Variants in SPMIP2 observed in about 807,000 individuals in gnomAD.
The protein encoded by SPMIP2 is protein SPMIP2.
the SPMIP2 span, among the ~76,000 whole-genome samples, chr4:158,990,385 C>T: frequency 1.4e-4 from 22 of 152,220 alleles, no homozygotes; most frequent in South Asian, 4.6e-3. Context: ...GGGTATATCC[C>T]CAAAGGATTA....
chr4:159,019,689 T>C, the SPMIP2 span, among the ~76,000 whole-genome samples: 1 of 152,258 alleles, frequency 6.6e-6, no homozygotes, highest in African/African-American at 2.4e-5. Flanking sequence ...TCATCGTGAA[T>C]ACACTGGGAC....
chr4:158,956,771 A>T, the SPMIP2 span, among the ~76,000 whole-genome samples: 1 of 152,094 alleles, frequency 6.6e-6, no homozygotes, highest in Admixed American at 6.5e-5. Context: ...TCTTTTCTCC[A>T]TTTACTTAAA....
the SPMIP2 span, among the ~76,000 whole-genome samples, chr4:158,973,588 G>A: frequency 1.3e-3 from 201 of 152,170 alleles, no homozygotes; most frequent in Middle Eastern, 3.4e-3. Flanking sequence ...TGAAAGATTG[G>A]TTACTTGTCC....
the SPMIP2 span, among the ~76,000 whole-genome samples, chr4:159,050,386 T>C: frequency 5.4e-5 from 7 of 130,614 alleles, no homozygotes; most frequent in Non-Finnish European, 1.1e-4. Context: ...GTGAGTATAA[T>C]ATAAAAAGAA....
the SPMIP2 span, among the ~76,000 whole-genome samples, chr4:158,927,833 G>A: frequency 6.7e-6 from 1 of 150,260 alleles, no homozygotes; most frequent in Admixed American, 6.6e-5. Context: ...GCAATGAGGG[G>A]CTTAGCACCC....
the SPMIP2 span, among the ~76,000 whole-genome samples, chr4:158,972,899 T>G: frequency 6.6e-6 from 1 of 152,242 alleles, no homozygotes; most frequent in Non-Finnish European, 1.5e-5. Context: ...CTTGATGTAT[T>G]AAAGGGCTCC....
chr4:159,074,608 T>C, the SPMIP2 span, among the ~76,000 whole-genome samples: 6 of 152,142 alleles, frequency 3.9e-5, no homozygotes, highest in Non-Finnish European at 7.4e-5. Flanking sequence ...TTCTAAGGGA[T>C]AGTAGGAATA....
At chr4:158,953,185 T>TC in the SPMIP2 span, among the ~76,000 whole-genome samples, 1 of 152,148 alleles carries the variant, frequency 6.6e-6, no homozygotes, top group Non-Finnish European at 1.5e-5. Context: ...GCCCCTCCCA[T>TC]CACAGGCCCA....
chr4:159,064,890 G>A, the SPMIP2 span, among the ~76,000 whole-genome samples: 1 of 152,216 alleles, frequency 6.6e-6, no homozygotes, highest in African/African-American at 2.4e-5. Flanking sequence ...TGTATTGAGG[G>A]AATAAAAGGA....
chr4:159,032,993 C>T, the SPMIP2 span, among the ~76,000 whole-genome samples: 3 of 152,102 alleles, frequency 2.0e-5, no homozygotes, highest in African/African-American at 4.8e-5. Context: ...AAAGGCTGCA[C>T]ATAAATGTAC....
At chr4:158,992,750 G>C in the SPMIP2 span, among the ~76,000 whole-genome samples, 3 of 152,196 alleles carry the variant, frequency 2.0e-5, no homozygotes, top group African/African-American at 7.2e-5. Context: ...GGAACACCAG[G>C]TCCCAACAGG....
At chr4:158,955,763 G>A in the SPMIP2 span, among the ~76,000 whole-genome samples, 1 of 152,192 alleles carries the variant, frequency 6.6e-6, no homozygotes, top group Non-Finnish European at 1.5e-5. Flanking sequence ...CAAAAAAAAG[G>A]CACTGCATTT....
the SPMIP2 span, among the ~76,000 whole-genome samples, chr4:158,959,572 T>C: frequency 6.6e-6 from 1 of 152,176 alleles, no homozygotes; most frequent in African/African-American, 2.4e-5. Flanking sequence ...CATATGCTAA[T>C]AGCTAAATCC....
chr4:159,003,328 G>C, the SPMIP2 span, among the ~76,000 whole-genome samples: 4,828 of 152,134 alleles, frequency 0.032, 239 homozygotes, highest in African/African-American at 0.11. Context: ...CATCTCTCAG[G>C]CTCAGTTTCT....
chr4:158,952,054 T>A, the SPMIP2 span, among the ~76,000 whole-genome samples: 1 of 152,238 alleles, frequency 6.6e-6, no homozygotes, highest in South Asian at 2.1e-4. Context: ...CTGGGATTGC[T>A]GGTTGGTATT....
At chr4:159,060,488 T>C in the SPMIP2 span, among the ~76,000 whole-genome samples, 62,261 of 151,854 alleles carry the variant, frequency 0.41, 12,963 homozygotes, top group East Asian at 0.6. Flanking sequence ...ACAGGAAAAA[T>C]GATTGTTTCC....
the SPMIP2 span, among the ~76,000 whole-genome samples, chr4:158,896,082 T>C: frequency 1.1e-4 from 16 of 152,324 alleles, no homozygotes; most frequent in East Asian, 3.9e-4. Flanking sequence ...CGCAGGACTT[T>C]AGGCTGGTCG....
chr4:158,916,355 G>A, the SPMIP2 span, among the ~76,000 whole-genome samples: 2 of 152,204 alleles, frequency 1.3e-5, no homozygotes, highest in Non-Finnish European at 2.9e-5. Flanking sequence ...TTAGACAAGA[G>A]AGGACGAGGT....
the SPMIP2 span, among the ~76,000 whole-genome samples, chr4:158,976,615 C>G: frequency 6.7e-6 from 1 of 149,258 alleles, no homozygotes; most frequent in Non-Finnish European, 1.5e-5. Context: ...TTGAATCACC[C>G]TTGCATTCCA....
Sources: gnomAD v4.1 joint callset for allele counts (sites outside exome capture counted in the v4.1 genomes callset) on GRCh38, gnomAD v4.1.1 for gene constraint, MANE v1.5 for transcripts, NCBI Gene and HGNC (gene_info 2026-07-23, HGNC 2026-07-21) for gene names.